Variants in NBAS observed in about 807,000 individuals in gnomAD.
NBAS encodes the protein NBAS subunit of NRZ tethering complex, also known as NAG/BC035112 fusion.
Under a neutral mutation model 302.5 loss-of-function variants are expected in NBAS, and 219 were observed. The observed-to-expected ratio is 0.72, with a 90% CI of 0.65 to 0.81. NBAS has a LOEUF of 0.81. NBAS is among the 30% of genes least tolerant of loss of function. The probability of loss-of-function intolerance (pLI) is 0.00; values close to 1 mark genes in which losing one functional copy is unlikely to be tolerated. For missense variants in NBAS, 2,932 were observed against 2,841.6 expected, an observed-to-expected ratio of 1.03 and a Z score of -0.72; for synonymous variants, 1,118 against 1,021.6, an observed-to-expected ratio of 1.09 and a Z score of -1.80.
intron 38 of NBAS, among the ~76,000 whole-genome samples, chr2:15,315,954 G>C (rs1239745457): frequency 6.6e-6 from 1 of 152,082 alleles, no homozygotes; most frequent in Admixed American, 6.5e-5. Flanking sequence ...ACCCACACTT[G>C]GAAGTTTCTT....
the NBAS span, among the ~76,000 whole-genome samples, chr2:14,958,607 C>T: frequency 2.6e-5 from 4 of 152,276 alleles, no homozygotes; most frequent in Admixed American, 6.5e-5. Context: ...CAATGGAACA[C>T]GGGCATCTGT....
intron 47 of NBAS, among the ~76,000 whole-genome samples, chr2:15,230,034 G>C (rs1316224607): frequency 6.6e-6 from 1 of 152,108 alleles, no homozygotes; most frequent in East Asian, 1.9e-4. Flanking sequence ...ACACTATGGA[G>C]GGTAGTGGGT....
At chr2:15,375,851 T>C (rs972328657) in intron 30 of NBAS, among the ~76,000 whole-genome samples, 1 of 150,626 alleles carries the variant, frequency 6.6e-6, no homozygotes, top group Admixed American at 6.6e-5. Context: ...TCTACAACCA[T>C]CAAAAAGGAA....
chr2:15,059,160 G>A, the NBAS span, among the ~76,000 whole-genome samples: 2 of 152,152 alleles, frequency 1.3e-5, no homozygotes, highest in Admixed American at 6.5e-5. Context: ...TCTTGCAGAG[G>A]AACGTGGATT....
chr2:15,008,894 C>T, the NBAS span, among the ~76,000 whole-genome samples: 1 of 152,082 alleles, frequency 6.6e-6, no homozygotes, highest in Non-Finnish European at 1.5e-5. Context: ...ATTTATTGGT[C>T]CCTTTGATCC....
At chr2:14,812,878 G>C in the NBAS span, among the ~76,000 whole-genome samples, 7 of 152,250 alleles carry the variant, frequency 4.6e-5, no homozygotes, top group Middle Eastern at 0.01. Context: ...GAGGTGATTG[G>C]ATCATGGGGG....
chr2:14,998,412 C>T, the NBAS span, among the ~76,000 whole-genome samples: 2,270 of 152,298 alleles, frequency 0.015, 68 homozygotes, highest in African/African-American at 0.052. Flanking sequence ...AAGGCCCACA[C>T]AATGGAGACC....
At chr2:15,229,347 C>CAAAAAAAAAAAAAAAAAAAAAAA (rs61152926) in intron 47 of NBAS, among the ~76,000 whole-genome samples, 7 of 76,870 alleles carry the variant, frequency 9.1e-5, no homozygotes, top group Non-Finnish European at 1.3e-4. Flanking sequence ...TCTCAAAAAA[C>CAAAAAAAAAAAAAAAAAAAAAAA]AAAAAAAAAA....
intron 21 of NBAS, among the ~76,000 whole-genome samples, chr2:15,435,603 G>C (rs1323093288): frequency 1.3e-5 from 2 of 152,152 alleles, no homozygotes; most frequent in Non-Finnish European, 2.9e-5. Flanking sequence ...TTTGAACCCA[G>C]GCAGTCCGGT....
At chr2:15,161,289 C>T in the NBAS span, among the ~76,000 whole-genome samples, 5 of 152,118 alleles carry the variant, frequency 3.3e-5, no homozygotes, top group Admixed American at 1.3e-4. Context: ...CATATAGGCG[C>T]TCAGTATAGT....
the NBAS span, among the ~76,000 whole-genome samples, chr2:15,109,831 G>C: frequency 6.6e-6 from 1 of 152,074 alleles, no homozygotes; most frequent in Non-Finnish European, 1.5e-5. Context: ...CATATGAATT[G>C]TGGATGGGGA....
intron 9 of NBAS, among the ~76,000 whole-genome samples, chr2:15,514,421 A>G (rs1055679417): frequency 2.6e-5 from 4 of 152,204 alleles, no homozygotes; most frequent in African/African-American, 9.6e-5. Flanking sequence ...CGTTTTTTCA[A>G]TCCAAAAATA....
chr2:15,478,131 A>G, intron 13 of NBAS, 95 bp downstream of exon 13: 1 of 929,338 alleles, frequency 1.1e-6, no homozygotes, highest in Non-Finnish European at 1.7e-6. Flanking sequence ...AAGTGCAGCA[A>G]AAGTATCTAG....
chr2:14,994,364 C>G, the NBAS span, among the ~76,000 whole-genome samples: 4 of 152,204 alleles, frequency 2.6e-5, no homozygotes, highest in South Asian at 8.3e-4. Context: ...GGTAGAATTA[C>G]ATTCACTGCT....
chr2:15,542,658 T>TAA (rs984610167), intron 6 of NBAS, among the ~76,000 whole-genome samples: 3 of 147,598 alleles, frequency 2.0e-5, no homozygotes, highest in African/African-American at 7.5e-5. Flanking sequence ...ATAAAAAAAA[T>TAA]AAAAAAAAAA....
chr2:15,019,167 C>T, the NBAS span, among the ~76,000 whole-genome samples: 6 of 152,096 alleles, frequency 3.9e-5, no homozygotes, highest in Non-Finnish European at 8.8e-5. Context: ...ATAAGTAGTT[C>T]AATTGGCAAT....
intron 47 of NBAS, among the ~76,000 whole-genome samples, chr2:15,224,722 C>T (rs1395028124): frequency 6.6e-6 from 1 of 152,232 alleles, no homozygotes; most frequent in Admixed American, 6.5e-5. Flanking sequence ...CAGGCTCTCC[C>T]ACTGCCTACC....
chr2:15,243,542 C>T (rs935661989), intron 44 of NBAS, among the ~76,000 whole-genome samples: 4 of 143,562 alleles, frequency 2.8e-5, no homozygotes, highest in Non-Finnish European at 6.1e-5. Context: ...AAGAGGGAGG[C>T]AATATGTGGC....
chr2:15,267,479 T>C (rs1412562090), intron 44 of NBAS, among the ~76,000 whole-genome samples: 3 of 152,218 alleles, frequency 2.0e-5, no homozygotes, highest in Non-Finnish European at 4.4e-5. Context: ...TTCAGTATGA[T>C]TATAGATTAG....
Sources: allele counts gnomAD v4.1 joint callset (sites outside exome capture counted in the v4.1 genomes callset), GRCh38; gene constraint gnomAD v4.1.1; transcripts MANE v1.5; gene names NCBI Gene and HGNC (gene_info 2026-07-23, HGNC 2026-07-21).